Variants in SETBP1 observed in about 807,000 individuals in gnomAD.
The protein encoded by SETBP1 is SET binding protein 1, also known as SET-binding protein.
SETBP1 carries 9 observed loss-of-function variants against 101.0 expected under a neutral mutation model. The ratio of observed to expected loss-of-function variants is 0.09; its 90% CI spans 0.05 to 0.16. The LOEUF (loss-of-function observed/expected upper bound fraction) is 0.16, where lower values mean the gene tolerates loss of function less well. Among genes scored for constraint, SETBP1 ranks in the 10% least tolerant of loss-of-function variants. The pLI, the probability that SETBP1 is intolerant of heterozygous loss-of-function variation, is 1.00. For missense variants in SETBP1, 1,858 were observed against 2,033.8 expected (o/e 0.91, Z 1.66); for synonymous variants, 818 against 788.5 (o/e 1.04, Z -0.63).
intron 4 of SETBP1, among the ~76,000 whole-genome samples, chr18:45,033,558 A>C (rs549887490): frequency 6.6e-6 from 1 of 152,378 alleles, no homozygotes; most frequent in South Asian, 2.1e-4. Context: ...AGATGACTAA[A>C]GGGACCAACC....
chr18:45,056,348 C>T (rs2073808354), intron 5 of SETBP1, among the ~76,000 whole-genome samples: 1 of 152,178 alleles, frequency 6.6e-6, no homozygotes, highest in African/African-American at 2.4e-5. Context: ...CCAGTGAGAT[C>T]CCCCATCAAC....
intron 3 of SETBP1, among the ~76,000 whole-genome samples, chr18:44,872,534 T>A (rs1167062153): frequency 6.6e-6 from 1 of 152,222 alleles, no homozygotes; most frequent in Non-Finnish European, 1.5e-5. Context: ...TACTACCCCC[T>A]CTTGCTGGAC....
At chr18:45,039,808 C>T (rs1023503416) in intron 5 of SETBP1, among the ~76,000 whole-genome samples, 4 of 152,166 alleles carry the variant, frequency 2.6e-5, no homozygotes, top group Non-Finnish European at 5.9e-5. Flanking sequence ...CTACCTCCTT[C>T]GTGGAAATCA....
intron 3 of SETBP1, among the ~76,000 whole-genome samples, chr18:44,906,215 A>G (rs1285811803): frequency 6.6e-6 from 1 of 152,178 alleles, no homozygotes; most frequent in East Asian, 1.9e-4. Context: ...TTGGAACTTA[A>G]GTGATTAAGA....
At chr18:45,039,296 C>G (rs2073462093) in intron 5 of SETBP1, among the ~76,000 whole-genome samples, 1 of 152,314 alleles carries the variant, frequency 6.6e-6, no homozygotes, top group South Asian at 2.1e-4. Flanking sequence ...ACAGCCTGGT[C>G]CTTTCCACCT....
intron 2 of SETBP1, among the ~76,000 whole-genome samples, chr18:44,817,609 C>G (rs766344945): frequency 3.3e-5 from 5 of 150,758 alleles, no homozygotes; most frequent in Non-Finnish European, 5.9e-5. Context: ...CTCTTGAACC[C>G]GGGAGGCAGA....
chr18:44,730,061 C>T (rs968303149), intron 2 of SETBP1, among the ~76,000 whole-genome samples: 1 of 152,184 alleles, frequency 6.6e-6, no homozygotes, highest in Admixed American at 6.5e-5. Context: ...GAAAACTCAG[C>T]GTGGAACATC....
At chr18:44,877,925 T>C (rs2069446183) in intron 3 of SETBP1, among the ~76,000 whole-genome samples, 1 of 152,192 alleles carries the variant, frequency 6.6e-6, no homozygotes, top group South Asian at 2.1e-4. Context: ...GTTTTTTAAT[T>C]CCAAGACATT....
At chr18:44,975,567 A>T (rs189311454) in intron 4 of SETBP1, among the ~76,000 whole-genome samples, 124 of 152,342 alleles carry the variant, frequency 8.1e-4, no homozygotes, top group East Asian at 3.3e-3. Flanking sequence ...ATTCAGCATT[A>T]TCCAGCACCC....
At chr18:44,710,115 T>G (rs946100485) in intron 2 of SETBP1, among the ~76,000 whole-genome samples, 1 of 152,166 alleles carries the variant, frequency 6.6e-6, no homozygotes, top group African/African-American at 2.4e-5. Flanking sequence ...CGCAGTTATA[T>G]TTCCTTTTTT....
At chr18:44,836,168 AT>A (rs1339332448) in intron 2 of SETBP1, among the ~76,000 whole-genome samples, 1 of 150,982 alleles carries the variant, frequency 6.6e-6, no homozygotes, top group Non-Finnish European at 1.5e-5. Flanking sequence ...CATATTTCCA[AT>A]TTGGTTTCTG....
At chr18:44,825,838 G>A (rs774111411) in intron 2 of SETBP1, among the ~76,000 whole-genome samples, 14 of 152,276 alleles carry the variant, frequency 9.2e-5, no homozygotes, top group East Asian at 1.9e-4. Flanking sequence ...AGAGTAGTGC[G>A]GAATAAGTAT....
chr18:44,926,243 T>C (rs1203509614), intron 3 of SETBP1, among the ~76,000 whole-genome samples: 1 of 152,106 alleles, frequency 6.6e-6, no homozygotes, highest in Non-Finnish European at 1.5e-5. Context: ...GAAGTGTCGA[T>C]ATTATGGAAG....
rs1304345798 is a variant in SETBP1, at chr18:44,680,999, A to G, written c.-195A>G. The stretch of plus-strand genomic sequence containing the variant: ...GTCGTTAATAGAAAGAAGAACAGGC[A>G]AGAAGTGGTCCAGCCGGCGAAGGTT... On this transcript the variant is annotated 5_prime_UTR_variant, in exon 1 of 6. Transcript: ENST00000649279. 1 of 152,208 alleles carries G rather than the reference A, an allele frequency of 6.6e-6. No individual in the cohort carries two copies. Among genetic ancestry groups the G allele is most frequent in the Non-Finnish European group, 1.5e-5 (1 of 68,094 alleles). The allele number at this position is 152,208 out of a possible 1,614,324, so 9.4% of individuals were successfully genotyped here. A position where few individuals can be genotyped will look rare whatever the true frequency, so the allele number is the denominator to read the frequency against.
At chr18:45,056,244 G>A (rs1275727838) in intron 5 of SETBP1, among the ~76,000 whole-genome samples, 1 of 152,174 alleles carries the variant, frequency 6.6e-6, no homozygotes, top group African/African-American at 2.4e-5. Flanking sequence ...ATTTTGAAAT[G>A]TTTTTCTGTT....
intron 4 of SETBP1, among the ~76,000 whole-genome samples, chr18:45,009,227 T>C (rs1568025336): frequency 6.6e-6 from 1 of 151,884 alleles, no homozygotes; most frequent in Non-Finnish European, 1.5e-5. Context: ...ACAGGGAAGC[T>C]TGGGCTGCAG....
intron 2 of SETBP1, among the ~76,000 whole-genome samples, chr18:44,815,020 C>T (rs2144849038): frequency 6.6e-6 from 1 of 152,298 alleles, no homozygotes; most frequent in African/African-American, 2.4e-5. Flanking sequence ...GGGAGGACTG[C>T]CTCATATGAC....
intron 2 of SETBP1, among the ~76,000 whole-genome samples, chr18:44,771,978 C>T (rs776092126): frequency 6.6e-6 from 1 of 152,204 alleles, no homozygotes; most frequent in Non-Finnish European, 1.5e-5. Flanking sequence ...CCTCTTGATA[C>T]CTTGCCTCCC....
chr18:44,832,747 C>G (rs1346447725), intron 2 of SETBP1, among the ~76,000 whole-genome samples: 1 of 152,150 alleles, frequency 6.6e-6, no homozygotes, highest in Non-Finnish European at 1.5e-5. Context: ...TCTTAGCTTC[C>G]CATTCCTTGG....
Sources: allele counts gnomAD v4.1 joint callset (sites outside exome capture counted in the v4.1 genomes callset), GRCh38; gene constraint gnomAD v4.1.1; transcripts MANE v1.5; gene names NCBI Gene and HGNC (gene_info 2026-07-23, HGNC 2026-07-21).